WDFY3: variants seen among roughly 807,000 people sequenced by gnomAD.
WDFY3 encodes the protein WD repeat and FYVE domain-containing protein 3.
In WDFY3, 66 loss-of-function variants were observed where a neutral mutation model predicts 409.6. The ratio of observed to expected loss-of-function variants is 0.16; its 90% CI spans 0.13 to 0.20. WDFY3 has a LOEUF of 0.20. Among genes scored for constraint, WDFY3 ranks in the 10% least tolerant of loss-of-function variants. The pLI is 1.00. For synonymous variants in WDFY3, 1,521 were observed against 1,537.1 expected, an observed-to-expected ratio of 0.99 and a Z score of 0.25; for missense variants, 3,031 against 4,298.1, an observed-to-expected ratio of 0.71 and a Z score of 8.24.
chr4:84,933,963 G>A (rs1771095899), intron 1 of WDFY3, among the ~76,000 whole-genome samples: 1 of 151,996 alleles, frequency 6.6e-6, no homozygotes, highest in Non-Finnish European at 1.5e-5. Context: ...CTTGGTTATT[G>A]GTAACAGTGC....
At chr4:84,676,424 A>G (rs937331879) in intron 67 of WDFY3, among the ~76,000 whole-genome samples, 3 of 152,204 alleles carry the variant, frequency 2.0e-5, no homozygotes, top group African/African-American at 7.2e-5. Flanking sequence ...TGGAGGTAGT[A>G]TTAACTAGCA....
intron 1 of WDFY3, among the ~76,000 whole-genome samples, chr4:84,946,480 T>C (rs995273082): frequency 3.9e-5 from 6 of 152,214 alleles, no homozygotes; most frequent in African/African-American, 1.4e-4. Context: ...AGTAGCCCTA[T>C]GGCACTGCCT....
intron 4 of WDFY3, 113 bp downstream of exon 4, chr4:84,860,299 C>T: frequency 7.8e-7 from 1 of 1,285,708 alleles, no homozygotes; most frequent in Non-Finnish European, 1.1e-6. Flanking sequence ...CACCAAACTT[C>T]TTAAAACTAA....
chr4:84,824,205 A>T (rs759646772), intron 10 of WDFY3, among the ~76,000 whole-genome samples: 27 of 152,204 alleles, frequency 1.8e-4, no homozygotes, highest in Non-Finnish European at 3.2e-4. Context: ...TTACAGTCTG[A>T]AAACATTACA....
chr4:84,906,907 T>A (rs1295000128), intron 2 of WDFY3, among the ~76,000 whole-genome samples: 1 of 152,096 alleles, frequency 6.6e-6, no homozygotes, highest in Non-Finnish European at 1.5e-5. Flanking sequence ...CATTTCTAGA[T>A]TACTTATAAT....
chr4:84,796,500 GCTTC>G lies in WDFY3; in HGVS notation c.3167+17_3167+20del. On this transcript the variant is annotated intron_variant, in intron 19 of 67. Coordinates refer to ENST00000295888, the MANE Select transcript of WDFY3 (RefSeq NM_014991.6). Reference sequence around the variant, plus strand: ...ATGACGCATAAAACCATAAAGGTTGGCTTCCTTGCAAATTTCTTACCCAAACCCT... The same window carrying G: ...ATGACGCATAAAACCATAAAGGTTGGCTTGCAAATTTCTTACCCAAACCCT... 1 of 1,498,396 alleles carries G rather than the reference GCTTC, an allele frequency of 6.7e-7. No individual in the cohort carries two copies. The highest frequency in any genetic ancestry group is 9.0e-7 in the Non-Finnish European group (1 of 1,114,088). The allele number at this position is 1,498,396 out of a possible 1,614,324, so 92.8% of individuals were successfully genotyped here. A position where few individuals can be genotyped will look rare whatever the true frequency, so the allele number is the denominator to read the frequency against.
intron 35 of WDFY3, among the ~76,000 whole-genome samples, chr4:84,751,998 G>C (rs1740607471): frequency 6.6e-6 from 1 of 151,908 alleles, no homozygotes; most frequent in Admixed American, 6.6e-5. Context: ...AAAATATATG[G>C]AATAATAAAA....
chr4:84,903,172 G>A (rs1193442281), intron 2 of WDFY3, among the ~76,000 whole-genome samples: 1 of 152,110 alleles, frequency 6.6e-6, no homozygotes, highest in East Asian at 1.9e-4. Context: ...TCTAATACAT[G>A]TGGAATAAAT....
At chr4:84,783,848 A>T (rs1280993163) in intron 24 of WDFY3, among the ~76,000 whole-genome samples, 1 of 147,788 alleles carries the variant, frequency 6.8e-6, no homozygotes, top group Non-Finnish European at 1.5e-5. Context: ...TTAGATATGT[A>T]TATGTGTCAT....
chr4:84,774,276 T>G (rs995969634), intron 29 of WDFY3, among the ~76,000 whole-genome samples: 114 of 152,318 alleles, frequency 7.5e-4, no homozygotes, highest in African/African-American at 2.6e-3. Flanking sequence ...AAAATGGGGA[T>G]TATCATGTGA....
chr4:84,828,417 C>T (rs1343274537), intron 9 of WDFY3, among the ~76,000 whole-genome samples: 1 of 151,946 alleles, frequency 6.6e-6, no homozygotes, highest in Non-Finnish European at 1.5e-5. Flanking sequence ...AAATAAAGAA[C>T]CAAAAATATA....
chr4:84,762,176 C>T (rs1355127950), intron 32 of WDFY3, among the ~76,000 whole-genome samples: 35 of 151,322 alleles, frequency 2.3e-4, no homozygotes, highest in African/African-American at 6.8e-4. Context: ...ATGTTTATTG[C>T]GGCACTATTC....
chr4:84,772,002 G>A (rs1449312568), intron 30 of WDFY3, among the ~76,000 whole-genome samples: 1 of 152,216 alleles, frequency 6.6e-6, no homozygotes, highest in Non-Finnish European at 1.5e-5. Flanking sequence ...AGGAGAGGCT[G>A]TGCTCGGGAA....
chr4:84,747,353 T>A (rs962354926), intron 36 of WDFY3, among the ~76,000 whole-genome samples: 2 of 152,202 alleles, frequency 1.3e-5, no homozygotes, highest in Non-Finnish European at 2.9e-5. Context: ...TTGAGACTCC[T>A]GATTCTGACT....
At position 84,677,193 on chromosome 4, in the gene WDFY3, T is replaced by A; in HGVS notation, c.10457+6A>T. Reference sequence around the variant, plus strand: ...GTAAATTCAAAAAGCAGATATCTTATCTTACTTCTGGCAGAAGAGCTGACC... The same window carrying A: ...GTAAATTCAAAAAGCAGATATCTTAACTTACTTCTGGCAGAAGAGCTGACC... On this transcript the variant is annotated splice_donor_region_variant and intron_variant, in intron 67 of 67. Coordinates refer to ENST00000295888, the MANE Select transcript of WDFY3 (RefSeq NM_014991.6). 6.2e-7 allele frequency: 1 copy of A among 1,614,148 alleles called. No individual in the cohort carries two copies. Among genetic ancestry groups the A allele is most frequent in the East Asian group, 2.2e-5 (1 of 44,876 alleles).
At chr4:84,776,645 T>G (rs1047416898) in intron 27 of WDFY3, among the ~76,000 whole-genome samples, 1 of 152,076 alleles carries the variant, frequency 6.6e-6, no homozygotes, top group Non-Finnish European at 1.5e-5. Flanking sequence ...CTTTGTCTTT[T>G]TCCTCTAATG....
Position 84,781,163 on chromosome 4 carries a change from A to T in WDFY3, c.4175-865T>A, listed in dbSNP as rs1364328728. Among the ~76,000 whole-genome samples the T allele has an allele frequency of 5.3e-5, 8 of 152,202 alleles. No individual in the cohort carries two copies. The East Asian group carries it at 1.5e-3, about 29-fold the overall frequency. On this transcript the variant is annotated intron_variant, in intron 25 of 67. Transcript: ENST00000295888. Reference sequence around the variant, plus strand: ...GGTTAAGTAATCTGTGTAACAGTACATCAGTAACTTTAGGAGAGCATAAGT... The same window carrying T: ...GGTTAAGTAATCTGTGTAACAGTACTTCAGTAACTTTAGGAGAGCATAAGT...
chr4:84,690,358 A>AAAAGTATT, intron 61 of WDFY3, 148 bp downstream of exon 61: 1 of 1,164,266 alleles, frequency 8.6e-7, no homozygotes, highest in South Asian at 1.6e-5. Flanking sequence ...TTTTTTTCAA[A>AAAAGTATT]AAAGTATTTC....
chr4:84,716,946 A>G lies in WDFY3; in HGVS notation c.7825T>C (p.Phe2609Leu). ...PSQLKRTCSI[F>L]AYEDIKEVHK... Reference sequence around the variant, plus strand: ...ACTTCCTTGATATCTTCATATGCAAAAATGCTGCATGTTCTCTTGAGTTGA... The same window carrying G: ...ACTTCCTTGATATCTTCATATGCAAGAATGCTGCATGTTCTCTTGAGTTGA... Residue 2609 changes from phenylalanine (F) to leucine (L), a missense_variant, in exon 49 of 68, where the codon TTT (phenylalanine) becomes CTT (leucine). Coordinates refer to ENST00000295888, the MANE Select transcript of WDFY3 (RefSeq NM_014991.6). 2.5e-6 allele frequency: 4 copies of G among 1,608,230 alleles called. No individual in the cohort carries two copies. Among genetic ancestry groups the G allele is most frequent in the Non-Finnish European group, 3.4e-6 (4 of 1,176,928 alleles).
Sources: gnomAD v4.1 joint callset for allele counts (sites outside exome capture counted in the v4.1 genomes callset) on GRCh38, gnomAD v4.1.1 for gene constraint, MANE v1.5 for transcripts, NCBI Gene and HGNC (gene_info 2026-07-23, HGNC 2026-07-21) for gene names.